Variants in GTF3C1 observed in about 807,000 individuals in gnomAD.
The protein encoded by GTF3C1 is general transcription factor 3C polypeptide 1.
Under a neutral mutation model 226.7 loss-of-function variants are expected in GTF3C1, and 57 were observed. That is an observed-to-expected ratio of 0.25 (90% CI 0.20 to 0.31). The LOEUF (loss-of-function observed/expected upper bound fraction) is 0.31, where lower values mean the gene tolerates loss of function less well. Among genes scored for constraint, GTF3C1 ranks in the 10% least tolerant of loss-of-function variants. The pLI is 1.00. For synonymous variants in GTF3C1, 1,090 were observed against 1,084.8 expected, an observed-to-expected ratio of 1.00 and a Z score of -0.09; for missense variants, 2,217 against 2,776.1, an observed-to-expected ratio of 0.80 and a Z score of 4.53.
chr16:27,535,500 A>T (rs186611914), intron 4 of GTF3C1, among the ~76,000 whole-genome samples: 136 of 151,536 alleles, frequency 9.0e-4, no homozygotes, highest in African/African-American at 3.1e-3. Flanking sequence ...GCTTGAACCT[A>T]GGAGGCAAAG....
In GTF3C1 at chr16:27,463,173, G is replaced by A; in HGVS notation, c.5924+368C>T. ...CTGTGGCATGGTTGTCCCGGGGGCA[G>A]CTGGGCATTCAGGGCTTATCCCTCT... is the stretch of plus-strand genomic sequence containing the variant. On this transcript the variant is annotated intron_variant, in intron 35 of 36. Coordinates refer to ENST00000356183, the MANE Select transcript of GTF3C1 (RefSeq NM_001520.4). The surrounding 1 kb of genome is among the most constrained non-coding windows in gnomAD (Gnocchi z 4.9). 3.9e-6 allele frequency: 1 copy of A among 259,352 alleles called. No homozygotes were observed. The highest frequency in any genetic ancestry group is 7.2e-6 in the Non-Finnish European group (1 of 138,120). 16.1% of individuals were successfully genotyped at this position (259,352 alleles called of 1,614,324 possible). A position where few individuals can be genotyped will look rare whatever the true frequency, so the allele number is the denominator to read the frequency against.
intron 21 of GTF3C1, 73 bp from the exon 22 acceptor site, chr16:27,488,708 C>T (rs754575674): frequency 3.1e-6 from 4 of 1,277,868 alleles, no homozygotes; most frequent in Non-Finnish European, 4.5e-6. Flanking sequence ...GTAACAAATG[C>T]ACCGAGGTCT....
chr16:27,538,173 C>G lies in GTF3C1; in HGVS notation c.608+7G>C. On this transcript the variant is annotated splice_region_variant and intron_variant, in intron 3 of 36. Transcript: ENST00000356183. ...TTTAAAGCAGAGAAGCAAATCCCCC[C>G]ACTTACTTGAAAGCAGTGGTGTGAA... 5 of 1,534,926 alleles carry G rather than the reference C, an allele frequency of 3.3e-6. No homozygotes were observed. The highest frequency in any genetic ancestry group is 4.4e-6 in the Non-Finnish European group (5 of 1,138,022).
chr16:27,516,680 C>T (rs189980683), intron 6 of GTF3C1, among the ~76,000 whole-genome samples: 67 of 152,332 alleles, frequency 4.4e-4, no homozygotes, highest in Admixed American at 1.1e-3. Context: ...CTCGCTTTGT[C>T]GTCCAGCCTG....
chr16:27,524,970 A>G (rs1043954593), intron 6 of GTF3C1, among the ~76,000 whole-genome samples: 8 of 152,098 alleles, frequency 5.3e-5, no homozygotes, highest in African/African-American at 1.9e-4. Context: ...CCTGGCCAAC[A>G]TGGTAAAACC....
intron 34 of GTF3C1, 85 bp downstream of exon 34, chr16:27,464,235 G>T: frequency 3.7e-6 from 3 of 815,100 alleles, no homozygotes; most frequent in Non-Finnish European, 3.5e-6. Flanking sequence ...CCCCATCCTC[G>T]GAGGAAGGTG....
At chr16:27,506,266 C>T in intron 9 of GTF3C1, 150 bp from the exon 10 acceptor site, 3 of 600,590 alleles carry the variant, frequency 5.0e-6, no homozygotes, top group Non-Finnish European at 8.9e-6. Context: ...GCTTGGGCCC[C>T]TCCTTCTGGC....
Position 27,545,514 on chromosome 16 carries a change from T to C in GTF3C1, c.231A>G (p.Glu77=). 1.3e-6 allele frequency: 2 copies of C among 1,596,090 alleles called. No individual in the cohort carries two copies. The highest frequency in any genetic ancestry group is 2.7e-5 in the African/African-American group (2 of 74,662). Residue 77 remains glutamate (E), a synonymous_variant, in exon 2 of 37, where the codon GAA becomes GAG. Coordinates refer to ENST00000356183, the MANE Select transcript of GTF3C1 (RefSeq NM_001520.4). ...CCAAAATTCCAGTTTCCAAATCAAT[T>C]TCTTCATACCTAAGGAGAAAAACAC... ...PDLQLQDRYE[E]IDLETGILES...
chr16:27,497,948 G>C, intron 13 of GTF3C1, 127 bp from the exon 14 acceptor site: 1 of 696,980 alleles, frequency 1.4e-6, no homozygotes, highest in Admixed American at 3.0e-5. Context: ...CTCCTTGTAG[G>C]GGCCAGGGAG....
intron 6 of GTF3C1, among the ~76,000 whole-genome samples, chr16:27,516,807 ATTT>A (rs2088666059): frequency 6.6e-6 from 1 of 151,748 alleles, no homozygotes. Context: ...TCTTTTTTTT[ATTT>A]GTTGTAGAGA....
At chr16:27,537,699 T>C (rs2089021622) in intron 4 of GTF3C1, 85 bp downstream of exon 4, 2 of 942,748 alleles carry the variant, frequency 2.1e-6, no homozygotes, top group Admixed American at 4.6e-5. Context: ...TGAGCCACTG[T>C]ACCCAGCTGC....
chr16:27,534,613 T>C (rs1318804521), intron 4 of GTF3C1, among the ~76,000 whole-genome samples: 2 of 152,232 alleles, frequency 1.3e-5, no homozygotes, highest in Non-Finnish European at 1.5e-5. Flanking sequence ...AAGATGGAAA[T>C]ACAGATCTTG....
chr16:27,490,877 T>C (rs1207910180), intron 19 of GTF3C1, among the ~76,000 whole-genome samples: 1 of 152,218 alleles, frequency 6.6e-6, no homozygotes, highest in Non-Finnish European at 1.5e-5. Flanking sequence ...GGACAATCAA[T>C]GCCTGATTAC....
intron 6 of GTF3C1, among the ~76,000 whole-genome samples, chr16:27,527,973 CAAA>C (rs34471997): frequency 1.7e-4 from 22 of 127,552 alleles, no homozygotes; most frequent in Non-Finnish European, 2.1e-4. Flanking sequence ...GACCCTGTCT[CAAA>C]AAAAAAAAAA....
Position 27,507,076 on chromosome 16 carries a change from C to T in GTF3C1, c.1323G>A (p.Arg441=). The change falls in exon 9 of 37, where the codon CGG becomes CGA. Residue 441 remains arginine, a synonymous_variant. Coordinates refer to ENST00000356183, the MANE Select transcript of GTF3C1 (RefSeq NM_001520.4). This position sits in a 1 kb window ranked among gnomAD's most constrained non-coding sequence, Gnocchi z 4.9. The part of the protein sequence containing the change: ...CVFAEESDLS[R]QYQREKARSE... ...TGCGGGCCTTCTCTCTTTGGTACTGCCGGCTTAGGTCGCTCTCCTCTGCAA... is the reference window on the plus strand; with the variant it reads ...TGCGGGCCTTCTCTCTTTGGTACTGTCGGCTTAGGTCGCTCTCCTCTGCAA... 1.2e-6 allele frequency: 2 copies of T among 1,613,780 alleles called. No homozygotes were observed. The highest frequency in any genetic ancestry group is 1.7e-6 in the Non-Finnish European group (2 of 1,179,934).
In GTF3C1 at chr16:27,497,714, C is replaced by T. The variant is rs763654043; in HGVS notation, c.2273G>A (p.Arg758Lys). 3.8e-5 allele frequency: 62 copies of T among 1,613,928 alleles called. No homozygotes were observed. The highest frequency in any genetic ancestry group is 4.9e-5 in the Non-Finnish European group (58 of 1,179,884). Reference protein sequence around the residue: ...SGDSQLSASSRSESGRMKKSD... With the variant: ...SGDSQLSASSKSESGRMKKSD... ...TTTTTTCATCCGTCCACTTTCTGAT[C>T]TAGAGGAAGCACTCAGCTGAGAGTC... The change falls in exon 14 of 37, where the codon AGA (arginine) becomes AAA (lysine). Residue 758 changes from arginine to lysine, a missense_variant. Transcript: ENST00000356183.
In GTF3C1 at chr16:27,511,945, T is replaced by C. The variant is rs139299968; in HGVS notation, c.974-44A>G. The C allele has an allele frequency of 1.3e-3, 2,037 of 1,608,504 alleles. 22 individuals are homozygous for C. The African/African-American group carries it at 0.024, about 19-fold the overall frequency. ...GTTTGCCAGCAATGAGTGAAAGCAG[T>C]GCTGCGTGGGGGAGGTGAGGGGTTC... is the stretch of plus-strand genomic sequence containing the variant. On this transcript the variant is annotated intron_variant, in intron 6 of 36. Transcript: ENST00000356183.
chr16:27,524,823 A>C (rs1251392225), intron 6 of GTF3C1, among the ~76,000 whole-genome samples: 1 of 152,256 alleles, frequency 6.6e-6, no homozygotes, highest in African/African-American at 2.4e-5. Context: ...TCCACAGGCC[A>C]TGAGTATTTA....
At chr16:27,537,566 C>T (rs374348090) in intron 4 of GTF3C1, among the ~76,000 whole-genome samples, 4 of 152,096 alleles carry the variant, frequency 2.6e-5, no homozygotes, top group Non-Finnish European at 4.4e-5. Context: ...TGCACCACCA[C>T]GCCCAGCTAA....
Sources: gnomAD v4.1 joint callset for allele counts (sites outside exome capture counted in the v4.1 genomes callset) on GRCh38, gnomAD v4.1.1 for gene constraint, Gnocchi (gnomAD v3.1) non-coding constraint, MANE v1.5 for transcripts, NCBI Gene and HGNC (gene_info 2026-07-23, HGNC 2026-07-21) for gene names.